The following CCDC60 variants were observed in gnomAD, a reference collection of about 807,000 sequenced individuals.
CCDC60 encodes coiled-coil domain containing 60.
A neutral mutation model predicts 63.5 loss-of-function variants in CCDC60; 54 were observed. That is an observed-to-expected ratio of 0.85 (90% CI 0.68 to 1.07). The LOEUF (loss-of-function observed/expected upper bound fraction) is 1.07. Ranked by LOEUF, CCDC60 falls within the 50% of genes least tolerant of loss-of-function variation. The pLI, the probability that CCDC60 is intolerant of heterozygous loss-of-function variation, is 0.00. For synonymous variants in CCDC60, 206 were observed against 238.8 expected (o/e 0.86, Z 1.27); for missense variants, 651 against 684.3 (o/e 0.95, Z 0.54).
chr12:119,426,732 T>C (rs763390490), intron 1 of CCDC60, among the ~76,000 whole-genome samples: 1 of 152,188 alleles, frequency 6.6e-6, no homozygotes, highest in Non-Finnish European at 1.5e-5. Flanking sequence ...TCTTCACCCT[T>C]CATCTGTGCT....
At chr12:119,432,682 A>G (rs1005850790) in intron 2 of CCDC60, among the ~76,000 whole-genome samples, 3 of 152,220 alleles carry the variant, frequency 2.0e-5, no homozygotes, top group Non-Finnish European at 2.9e-5. Flanking sequence ...GCGACAAAGC[A>G]GTGGCTTGCC....
intron 10 of CCDC60, 71 bp downstream of exon 10, chr12:119,523,072 G>A (rs540545128): frequency 3.6e-6 from 5 of 1,398,748 alleles, no homozygotes; most frequent in Non-Finnish European, 5.1e-6. Context: ...ATCTTCCCAG[G>A]GGTGTAGAAA....
At chr12:119,383,369 G>A (rs572869467) in intron 1 of CCDC60, among the ~76,000 whole-genome samples, 51 of 152,252 alleles carry the variant, frequency 3.3e-4, no homozygotes, top group African/African-American at 1.2e-3. Flanking sequence ...AAGCTATACC[G>A]ACCACATGGT....
intron 1 of CCDC60, among the ~76,000 whole-genome samples, chr12:119,409,988 GCCAC>G (rs2136194855): frequency 6.6e-6 from 1 of 152,084 alleles, no homozygotes; most frequent in East Asian, 1.9e-4. Flanking sequence ...CAGCCTCTTA[GCCAC>G]CACTCTTGTT....
chr12:119,495,132 TTAATTTGCTCAA>T (rs1475120497), intron 5 of CCDC60, among the ~76,000 whole-genome samples: 6 of 152,182 alleles, frequency 3.9e-5, no homozygotes, highest in Non-Finnish European at 8.8e-5. Context: ...GCATAGAAAA[TTAATTTGCTCAA>T]AGTTGCACAG....
At chr12:119,345,982 A>ATT (rs768961316) in intron 1 of CCDC60, among the ~76,000 whole-genome samples, 31 of 118,664 alleles carry the variant, frequency 2.6e-4, no homozygotes, top group Admixed American at 6.2e-4. Flanking sequence ...TACCCAGCTG[A>ATT]TTTTTTTTTT....
intron 4 of CCDC60, among the ~76,000 whole-genome samples, chr12:119,487,503 TGGCCAG>T: frequency 6.6e-6 from 1 of 152,176 alleles, no homozygotes; most frequent in South Asian, 2.1e-4. Context: ...TTCACCATGT[TGGCCAG>T]GCTGGTCTTG....
At chr12:119,368,496 A>G (rs79823702) in intron 1 of CCDC60, among the ~76,000 whole-genome samples, 2,076 of 152,224 alleles carry the variant, frequency 0.014, 38 homozygotes, top group African/African-American at 0.047. Context: ...CTGGAGAGGG[A>G]CTGGAGTGGT....
intron 13 of CCDC60, among the ~76,000 whole-genome samples, chr12:119,531,930 T>C (rs1952853478): frequency 6.6e-6 from 1 of 152,230 alleles, no homozygotes; most frequent in Admixed American, 6.5e-5. Flanking sequence ...ACGGCATATG[T>C]GCATTTTAAC....
rs115118454 is a variant in CCDC60, at chr12:119,484,324, A to G, written c.450-4435A>G. Among the ~76,000 whole-genome samples the G allele has an allele frequency of 1.3e-3, 203 of 151,758 alleles. 1 individual carries two copies. Among genetic ancestry groups the G allele is most frequent in the African/African-American group, 4.6e-3 (190 of 41,382 alleles). On this transcript the variant is annotated intron_variant, in intron 4 of 13. Coordinates refer to ENST00000327554, the MANE Select transcript of CCDC60 (RefSeq NM_178499.5). ...AACAGTGGTCTGGCATAGAGTAAGG[A>G]CTCTTATGGGAAATATTTACCATTA...
Position 119,471,984 on chromosome 12 carries a change from A to G in CCDC60, c.171-10A>G, listed in dbSNP as rs781059079. On this transcript the variant is annotated splice_polypyrimidine_tract_variant and intron_variant, in intron 2 of 13. Transcript: ENST00000327554. ...TCCCTCTCTCCCTCTTCCTCCCTGC[A>G]TGTCTCCAGCTTTTTGATCCAGTCT... The G allele has an allele frequency of 5.0e-6, 8 of 1,605,854 alleles. No homozygotes were observed. Among genetic ancestry groups the G allele is most frequent in the Non-Finnish European group, 6.8e-6 (8 of 1,175,754 alleles).
intron 1 of CCDC60, among the ~76,000 whole-genome samples, chr12:119,364,548 A>G (rs753840650): frequency 1.3e-5 from 2 of 152,234 alleles, no homozygotes; most frequent in South Asian, 2.1e-4. Flanking sequence ...GTTGTTGGAC[A>G]TATCAGTGGC....
rs1956788256 is a variant in CCDC60 at position 119,420,233 on chromosome 12, GA to G, written c.91-8449del. ...CAGTTTGAAGGATCTGTGTGTGGAT[GA>G]GGTCACTAATTCTGGGTATCTCTAT... On this transcript the variant is annotated intron_variant, in intron 1 of 13. Coordinates refer to ENST00000327554, the MANE Select transcript of CCDC60 (RefSeq NM_178499.5). The surrounding 1 kb of genome is among the most constrained non-coding windows in gnomAD (Gnocchi z 4.1). Among the ~76,000 whole-genome samples the G allele has an allele frequency of 6.6e-6, 1 of 152,008 alleles. No homozygotes were observed. Among genetic ancestry groups the G allele is most frequent in the South Asian group, 2.1e-4 (1 of 4,822 alleles).
intron 1 of CCDC60, among the ~76,000 whole-genome samples, chr12:119,426,269 G>C (rs1287522121): frequency 6.6e-6 from 1 of 152,180 alleles, no homozygotes; most frequent in Non-Finnish European, 1.5e-5. Context: ...CAATTGGCCT[G>C]ATTCAAAGCC....
intron 5 of CCDC60, among the ~76,000 whole-genome samples, chr12:119,497,575 C>G (rs942753844): frequency 4.6e-5 from 7 of 152,134 alleles, no homozygotes; most frequent in African/African-American, 1.7e-4. Context: ...TCCATCTTCC[C>G]GATTGGACCT....
At chr12:119,519,839 GGAGA>G (rs748120101) in intron 8 of CCDC60, among the ~76,000 whole-genome samples, 8 of 147,644 alleles carry the variant, frequency 5.4e-5, no homozygotes, top group Non-Finnish European at 1.2e-4. Context: ...GGGAATTTTA[GGAGA>G]GAGAGAGAGA....
At chr12:119,403,120 G>A (rs1206000892) in intron 1 of CCDC60, among the ~76,000 whole-genome samples, 1 of 152,128 alleles carries the variant, frequency 6.6e-6, no homozygotes, top group Non-Finnish European at 1.5e-5. Flanking sequence ...AGAGCTCTAG[G>A]CTCACATTCT....
chr12:119,468,304 T>A (rs1019505367), intron 2 of CCDC60, among the ~76,000 whole-genome samples: 1 of 151,146 alleles, frequency 6.6e-6, no homozygotes, highest in Non-Finnish European at 1.5e-5. Context: ...AAAATAAAAA[T>A]TTTTTAAAAA....
chr12:119,455,249 T>C (rs888221377), intron 2 of CCDC60, among the ~76,000 whole-genome samples: 2 of 152,158 alleles, frequency 1.3e-5, no homozygotes, highest in African/African-American at 4.8e-5. Flanking sequence ...TTTCTGTCAT[T>C]GGGAGCAATA....
Sources: gnomAD v4.1 joint callset for allele counts (sites outside exome capture counted in the v4.1 genomes callset) on GRCh38, gnomAD v4.1.1 for gene constraint, Gnocchi (gnomAD v3.1) non-coding constraint, MANE v1.5 for transcripts, NCBI Gene and HGNC (gene_info 2026-07-23, HGNC 2026-07-21) for gene names.